Variants in IMMP2L observed in about 807,000 individuals in gnomAD.
IMMP2L encodes the protein mitochondrial inner membrane protease subunit 2.
A neutral mutation model predicts 19.3 loss-of-function variants in IMMP2L; 18 were observed. The ratio of observed to expected loss-of-function variants is 0.93; its 90% CI spans 0.64 to 1.38. The LOEUF (loss-of-function observed/expected upper bound fraction) is 1.38. Ranked by LOEUF, IMMP2L falls within the 40% of genes most tolerant of loss-of-function variation. The probability of loss-of-function intolerance (pLI) is 0.00; values close to 1 mark genes in which losing one functional copy is unlikely to be tolerated. For missense variants in IMMP2L, 233 were observed against 218.2 expected, an observed-to-expected ratio of 1.07 and a Z score of -0.43; for synonymous variants, 76 against 73.0, an observed-to-expected ratio of 1.04 and a Z score of -0.21.
intron 5 of IMMP2L, among the ~76,000 whole-genome samples, chr7:110,880,504 T>C (rs1385369923): frequency 6.6e-6 from 1 of 152,116 alleles, no homozygotes; most frequent in Non-Finnish European, 1.5e-5. Context: ...CATCAAATAT[T>C]TTATAAGTAT....
At chr7:110,972,641 C>A (rs1820267414) in intron 3 of IMMP2L, among the ~76,000 whole-genome samples, 1 of 151,960 alleles carries the variant, frequency 6.6e-6, no homozygotes, top group Non-Finnish European at 1.5e-5. Context: ...CATAAGGGAA[C>A]TTTGGCAACA....
chr7:111,348,041 G>A (rs1161314783), intron 3 of IMMP2L, among the ~76,000 whole-genome samples: 1 of 149,596 alleles, frequency 6.7e-6, no homozygotes, highest in Admixed American at 6.8e-5. Flanking sequence ...CGCAAGGACA[G>A]AAAACCAAAT....
chr7:111,272,384 C>T (rs1160660275), intron 3 of IMMP2L, among the ~76,000 whole-genome samples: 2 of 152,114 alleles, frequency 1.3e-5, no homozygotes, highest in Non-Finnish European at 2.9e-5. Context: ...TTTCCTGATT[C>T]CCCAAAATAA....
At chr7:110,737,622 G>A (rs1396291640) in intron 5 of IMMP2L, among the ~76,000 whole-genome samples, 1 of 152,094 alleles carries the variant, frequency 6.6e-6, no homozygotes, top group African/African-American at 2.4e-5. Context: ...TAATCCCTTG[G>A]GAACTCTATG....
At chr7:111,474,280 T>C (rs1841527686) in intron 3 of IMMP2L, among the ~76,000 whole-genome samples, 5 of 151,998 alleles carry the variant, frequency 3.3e-5, no homozygotes. Flanking sequence ...CATCACACAA[T>C]ATACCCAAGT....
intron 5 of IMMP2L, among the ~76,000 whole-genome samples, chr7:110,840,563 A>G (rs1804970932): frequency 6.6e-6 from 1 of 152,142 alleles, no homozygotes; most frequent in African/African-American, 2.4e-5. Flanking sequence ...GTGGGGTGGA[A>G]AAAGGTAGAA....
chr7:111,534,768 T>G (rs77141456), intron 1 of IMMP2L, among the ~76,000 whole-genome samples: 1,675 of 152,268 alleles, frequency 0.011, 28 homozygotes, highest in Non-Finnish European at 0.011. Flanking sequence ...AGAGCAAGTC[T>G]TCTCCCAATT....
intron 3 of IMMP2L, among the ~76,000 whole-genome samples, chr7:111,425,511 A>T (rs1432201912): frequency 6.6e-6 from 1 of 151,102 alleles, no homozygotes; most frequent in East Asian, 1.9e-4. Flanking sequence ...TTTGAAATGC[A>T]TTATAAATAA....
At chr7:111,222,631 A>G (rs1246371477) in intron 3 of IMMP2L, among the ~76,000 whole-genome samples, 1 of 152,066 alleles carries the variant, frequency 6.6e-6, no homozygotes, top group Non-Finnish European at 1.5e-5. Context: ...TGATATTTGG[A>G]TATATTAAAA....
At chr7:110,969,363 T>G (rs1819898217) in intron 3 of IMMP2L, among the ~76,000 whole-genome samples, 1 of 152,100 alleles carries the variant, frequency 6.6e-6, no homozygotes, top group Non-Finnish European at 1.5e-5. Flanking sequence ...TCTTTCAAAA[T>G]TAAACAAAAT....
At chr7:111,258,781 T>C (rs929594140) in intron 3 of IMMP2L, among the ~76,000 whole-genome samples, 2 of 152,142 alleles carry the variant, frequency 1.3e-5, no homozygotes, top group Non-Finnish European at 2.9e-5. Flanking sequence ...GCTGGGCTTA[T>C]AGGTGTGAGC....
chr7:111,183,679 G>A (rs910978325), intron 3 of IMMP2L, among the ~76,000 whole-genome samples: 1 of 152,050 alleles, frequency 6.6e-6, no homozygotes, highest in Non-Finnish European at 1.5e-5. Context: ...CTCATTAGCA[G>A]TGTGACTTCT....
chr7:111,285,690 C>T (rs1026200696), intron 3 of IMMP2L, among the ~76,000 whole-genome samples: 4 of 152,174 alleles, frequency 2.6e-5, no homozygotes, highest in African/African-American at 7.2e-5. Context: ...TCAAGACTTC[C>T]ACAGCATATG....
rs1791205488 is a variant in IMMP2L, at chr7:110,663,351, C to A, written c.*251G>T. On this transcript the variant is annotated 3_prime_UTR_variant, in exon 6 of 6. Coordinates refer to ENST00000405709, the MANE Select transcript of IMMP2L (RefSeq NM_032549.4). Reference sequence around the variant, plus strand: ...CATGTGGGTGCAATATTTTTATATTCCCAAAGGTCTGCATATTTTGGGGGC... The same window carrying A: ...CATGTGGGTGCAATATTTTTATATTACCAAAGGTCTGCATATTTTGGGGGC... 1 of 337,296 alleles carries A rather than the reference C, an allele frequency of 3.0e-6. No individual in the cohort carries two copies. The highest frequency in any genetic ancestry group is 5.4e-6 in the Non-Finnish European group (1 of 185,314). The allele number at this position is 337,296 out of a possible 1,614,324, so 20.9% of individuals were successfully genotyped here. A position where few individuals can be genotyped will look rare whatever the true frequency, so the allele number is the denominator to read the frequency against.
intron 5 of IMMP2L, among the ~76,000 whole-genome samples, chr7:110,704,401 C>T (rs531561181): frequency 2.0e-5 from 3 of 152,324 alleles, no homozygotes; most frequent in East Asian, 1.9e-4. Context: ...AACAATGCAA[C>T]TTTCCAATGC....
intron 3 of IMMP2L, among the ~76,000 whole-genome samples, chr7:111,009,131 A>G (rs1824635192): frequency 6.6e-6 from 1 of 152,088 alleles, no homozygotes; most frequent in Non-Finnish European, 1.5e-5. Context: ...GTGCTGCCAT[A>G]ACGATATGCT....
At chr7:111,425,401 A>C (rs1835973980) in intron 3 of IMMP2L, among the ~76,000 whole-genome samples, 1 of 151,096 alleles carries the variant, frequency 6.6e-6, no homozygotes, top group South Asian at 2.1e-4. Context: ...TATTGTATTT[A>C]AATTTTACCT....
chr7:111,465,869 T>C (rs989525844), intron 3 of IMMP2L, among the ~76,000 whole-genome samples: 4 of 152,138 alleles, frequency 2.6e-5, no homozygotes, highest in African/African-American at 7.2e-5. Context: ...TAAAGACACA[T>C]GCACACGTAT....
chr7:111,422,436 C>T (rs1395912992), intron 3 of IMMP2L, among the ~76,000 whole-genome samples: 1 of 150,316 alleles, frequency 6.7e-6, no homozygotes, highest in Non-Finnish European at 1.5e-5. Context: ...GAGGTCACCA[C>T]ATCCCTTGGA....
Sources: gnomAD v4.1 joint callset for allele counts (sites outside exome capture counted in the v4.1 genomes callset) on GRCh38, gnomAD v4.1.1 for gene constraint, MANE v1.5 for transcripts, NCBI Gene and HGNC (gene_info 2026-07-23, HGNC 2026-07-21) for gene names.